MB21D2: variants seen among roughly 807,000 people sequenced by gnomAD.
The protein encoded by MB21D2 is Mab-21 domain containing 2.
Under a neutral mutation model 33.3 loss-of-function variants are expected in MB21D2, and 9 were observed. The observed-to-expected ratio is 0.27, with a 90% CI of 0.16 to 0.47. The LOEUF (loss-of-function observed/expected upper bound fraction) is 0.47, where lower values mean the gene tolerates loss of function less well. MB21D2 is among the 20% of genes least tolerant of loss of function. MB21D2 has a pLI of 0.99. For missense variants in MB21D2, 540 were observed against 624.6 expected (o/e 0.86, Z 1.44); for synonymous variants, 241 against 236.3 (o/e 1.02, Z -0.18).
At chr3:192,829,050 A>T (rs1192660476) in intron 1 of MB21D2, among the ~76,000 whole-genome samples, 5 of 152,216 alleles carry the variant, frequency 3.3e-5, no homozygotes, top group Middle Eastern at 3.4e-3. Flanking sequence ...CACCCCAAAA[A>T]GTTTTCTCAC....
chr3:192,845,103 T>C (rs1478707607), intron 1 of MB21D2, among the ~76,000 whole-genome samples: 3 of 152,246 alleles, frequency 2.0e-5, no homozygotes, highest in Non-Finnish European at 2.9e-5. Context: ...ATGTATTCAT[T>C]GTCTCACTTC....
At chr3:192,848,366 A>G (rs1459066044) in intron 1 of MB21D2, among the ~76,000 whole-genome samples, 1 of 152,238 alleles carries the variant, frequency 6.6e-6, no homozygotes, top group African/African-American at 2.4e-5. Context: ...AATATAACAT[A>G]AATTTTAAAC....
chr3:192,839,817 G>A (rs185353824), intron 1 of MB21D2, among the ~76,000 whole-genome samples: 36 of 152,234 alleles, frequency 2.4e-4, no homozygotes, highest in Admixed American at 1.8e-3. Context: ...CCACCTAGGA[G>A]CATAAAAGTA....
intron 1 of MB21D2, among the ~76,000 whole-genome samples, chr3:192,896,239 T>G (rs186786207): frequency 3.9e-5 from 6 of 152,332 alleles, no homozygotes; most frequent in African/African-American, 1.4e-4. Flanking sequence ...TCAGAAAGGA[T>G]AGTTTGCCCA....
intron 1 of MB21D2, among the ~76,000 whole-genome samples, chr3:192,894,551 G>A: frequency 6.6e-6 from 1 of 152,152 alleles, no homozygotes; most frequent in East Asian, 1.9e-4. Context: ...TTTTAATAGG[G>A]AGGCAACAGG....
At chr3:192,821,274 A>G (rs1393038284) in intron 1 of MB21D2, among the ~76,000 whole-genome samples, 3 of 152,200 alleles carry the variant, frequency 2.0e-5, no homozygotes, top group Non-Finnish European at 1.5e-5. Context: ...ATAAATGCTC[A>G]AAGTTACATA....
rs56114749 is a variant in MB21D2, at chr3:192,828,185, T to C, written c.212-28535A>G. ...TATGTCTTTATCAGCAGTGTGAAAA[T>C]GGACTAATACGACGTTCTTTGGATT... On this transcript the variant is annotated intron_variant, in intron 1 of 1. Coordinates refer to ENST00000392452, the MANE Select transcript of MB21D2 (RefSeq NM_178496.4). Among the ~76,000 whole-genome samples, 635 of 152,158 alleles carry C rather than the reference T, an allele frequency of 4.2e-3. 3 individuals are homozygous for C. Among genetic ancestry groups the C allele is most frequent in the Non-Finnish European group, 7.8e-3 (529 of 68,022 alleles).
rs140491840 is a variant in MB21D2 at position 192,890,743 on chromosome 3, T to G, written c.211+26887A>C. On this transcript the variant is annotated intron_variant, in intron 1 of 1. Coordinates refer to ENST00000392452, the MANE Select transcript of MB21D2 (RefSeq NM_178496.4). The stretch of plus-strand genomic sequence containing the variant: ...TGAAACAAACAAATTTCGGCAAAAA[T>G]GATACATGCTCTGAGGATATGGCAT... Among the ~76,000 whole-genome samples the G allele has an allele frequency of 3.8e-3, 572 of 152,088 alleles. 4 individuals are homozygous for G. Among genetic ancestry groups the G allele is most frequent in the Admixed American group, 0.011 (170 of 15,286 alleles).
intron 1 of MB21D2, among the ~76,000 whole-genome samples, chr3:192,805,464 TTTTA>T (rs1711642263): frequency 6.6e-6 from 1 of 152,240 alleles, no homozygotes; most frequent in Non-Finnish European, 1.5e-5. Flanking sequence ...CTGCATATAA[TTTTA>T]TTTTTTTAGA....
rs1430723570 is a variant in MB21D2, at chr3:192,828,633, T to C, written c.212-28983A>G. Among the ~76,000 whole-genome samples the C allele has an allele frequency of 3.4e-3, 125 of 37,054 alleles. 7 individuals carry two copies. Among genetic ancestry groups the C allele is most frequent in the African/African-American group, 8.9e-3 (40 of 4,500 alleles). 24.3% of individuals were successfully genotyped at this position (37,054 alleles called of 152,430 possible). A position where few individuals can be genotyped will look rare whatever the true frequency, so the allele number is the denominator to read the frequency against. On this transcript the variant is annotated intron_variant, in intron 1 of 1. Coordinates refer to ENST00000392452, the MANE Select transcript of MB21D2 (RefSeq NM_178496.4). Reference sequence around the variant, plus strand: ...ATATATATATATATATATATATATATATATATATATATATATATATATATA... The same window carrying C: ...ATATATATATATATATATATATATACATATATATATATATATATATATATA...
intron 1 of MB21D2, among the ~76,000 whole-genome samples, chr3:192,895,720 G>T: frequency 1.0e-5 from 1 of 97,354 alleles, no homozygotes; most frequent in African/African-American, 4.2e-5. Flanking sequence ...AAGTTGTTGG[G>T]TTTTTGGGGT....
intron 1 of MB21D2, among the ~76,000 whole-genome samples, chr3:192,808,227 A>T (rs1238233534): frequency 6.6e-6 from 1 of 152,234 alleles, no homozygotes; most frequent in African/African-American, 2.4e-5. Context: ...AGAACTGGGA[A>T]TCTGTGATAT....
At chr3:192,898,496 T>C (rs1334493683) in intron 1 of MB21D2, among the ~76,000 whole-genome samples, 1 of 152,114 alleles carries the variant, frequency 6.6e-6, no homozygotes, top group Non-Finnish European at 1.5e-5. Flanking sequence ...AAAGATAAGT[T>C]CCCAAAACAC....
chr3:192,901,436 A>G (rs1470238722), intron 1 of MB21D2, among the ~76,000 whole-genome samples: 1 of 147,608 alleles, frequency 6.8e-6, no homozygotes, highest in Non-Finnish European at 1.5e-5. Context: ...AAAAAAAAAG[A>G]CTTTATTGCC....
intron 1 of MB21D2, among the ~76,000 whole-genome samples, chr3:192,807,695 G>A (rs187872275): frequency 5.3e-4 from 81 of 152,206 alleles, no homozygotes; most frequent in African/African-American, 1.9e-3. Context: ...ATAAAGACAG[G>A]ATTCAAAACT....
At chr3:192,821,842 G>A (rs1014921546) in intron 1 of MB21D2, among the ~76,000 whole-genome samples, 35 of 152,080 alleles carry the variant, frequency 2.3e-4, no homozygotes, top group Non-Finnish European at 2.8e-4. Flanking sequence ...AGACAGGGAG[G>A]CAGCAAGAGG....
rs151019670 is a variant in MB21D2 at position 192,866,547 on chromosome 3, C to T, written c.211+51083G>A. ...GATTTAGAATGTTAAAGATAGAATG[C>T]ATCTCAGCATGCATACGTGCACGTG... On this transcript the variant is annotated intron_variant, in intron 1 of 1. Transcript: ENST00000392452. Among the ~76,000 whole-genome samples the T allele has an allele frequency of 5.2e-3, 799 of 152,220 alleles. 8 individuals are homozygous for T. Among genetic ancestry groups the T allele is most frequent in the African/African-American group, 0.018 (763 of 41,518 alleles).
In MB21D2 at chr3:192,835,455, C is replaced by CAAAAAA. The variant is rs34280688; in HGVS notation, c.212-35811_212-35806dup. 2.5e-4 allele frequency among the ~76,000 whole-genome samples: 15 copies of CAAAAAA among 61,128 alleles called. No homozygotes were observed. In the South Asian group the frequency reaches 7.1e-3, roughly 29 times the overall value. The allele number at this position is 61,128 out of a possible 152,430, so 40.1% of individuals were successfully genotyped here. On this transcript the variant is annotated intron_variant, in intron 1 of 1. Transcript: ENST00000392452. ...TGGGCGACACAGCGAGACTCTGTCT[C>CAAAAAA]AAAAAAAAAAAAAAAAAAAAAGTCT...
chr3:192,798,152 A>G lies in MB21D2; in HGVS notation c.*234T>C, dbSNP rs1720560893. 2.1e-6 allele frequency: 1 copy of G among 465,278 alleles called. No homozygotes were observed. Among genetic ancestry groups the G allele is most frequent in the African/African-American group, 1.9e-5 (1 of 51,622 alleles). The allele number at this position is 465,278 out of a possible 1,614,324, so 28.8% of individuals were successfully genotyped here. A position where few individuals can be genotyped will look rare whatever the true frequency, so the allele number is the denominator to read the frequency against. ...TTAAAAAGAAAAAAAACTCCAACAA[A>G]CTAAAGAGCATGACAATAACTACAA... On this transcript the variant is annotated 3_prime_UTR_variant, in exon 2 of 2. Transcript: ENST00000392452. This position sits in a 1 kb window ranked among gnomAD's most constrained non-coding sequence, Gnocchi z 4.8.
Sources: gnomAD v4.1 joint callset for allele counts (sites outside exome capture counted in the v4.1 genomes callset) on GRCh38, gnomAD v4.1.1 for gene constraint, Gnocchi (gnomAD v3.1) non-coding constraint, MANE v1.5 for transcripts, NCBI Gene and HGNC (gene_info 2026-07-23, HGNC 2026-07-21) for gene names.